RBFOX1: variants seen among roughly 807,000 people sequenced by gnomAD.
RBFOX1 encodes RNA binding fox-1 homolog 1, also known as RNA binding protein fox-1 homolog 1.
Under a neutral mutation model 57.7 loss-of-function variants are expected in RBFOX1, and 8 were observed. That is an observed-to-expected ratio of 0.14 (90% CI 0.08 to 0.25). The LOEUF (loss-of-function observed/expected upper bound fraction) is 0.25. RBFOX1 is among the 10% of genes least tolerant of loss of function. The pLI, the probability that RBFOX1 is intolerant of heterozygous loss-of-function variation, is 1.00. For synonymous variants in RBFOX1, 326 were observed against 222.4 expected, an observed-to-expected ratio of 1.47 and a Z score of -4.15; for missense variants, 611 against 548.5, an observed-to-expected ratio of 1.11 and a Z score of -1.14.
chr16:6,513,534 GA>G (rs1475789884), intron 2 of RBFOX1, among the ~76,000 whole-genome samples: 1 of 152,140 alleles, frequency 6.6e-6, no homozygotes, highest in Non-Finnish European at 1.5e-5. Flanking sequence ...AGGAGTTCGA[GA>G]CCAGCCTAGC....
At chr16:5,429,135 G>A (rs898446952) in intron 1 of RBFOX1, among the ~76,000 whole-genome samples, 3 of 152,108 alleles carry the variant, frequency 2.0e-5, no homozygotes, top group African/African-American at 7.2e-5. Flanking sequence ...GCCTGACTCA[G>A]CCCTGCAGTG....
intron 2 of RBFOX1, among the ~76,000 whole-genome samples, chr16:6,514,558 A>C (rs921984395): frequency 6.6e-6 from 1 of 152,128 alleles, no homozygotes; most frequent in African/African-American, 2.4e-5. Context: ...TAGCAGTTGA[A>C]AGTGTAGGCA....
intron 2 of RBFOX1, among the ~76,000 whole-genome samples, chr16:5,526,832 G>A (rs974682407): frequency 2.0e-5 from 3 of 151,634 alleles, no homozygotes; most frequent in African/African-American, 7.3e-5. Context: ...ATTGTTCATA[G>A]GAGTTTGAGT....
intron 3 of RBFOX1, among the ~76,000 whole-genome samples, chr16:6,724,591 A>T (rs1376811000): frequency 6.6e-6 from 1 of 152,128 alleles, no homozygotes; most frequent in African/African-American, 2.4e-5. Context: ...CGGCCTCCAG[A>T]ACTATAAGAA....
chr16:5,355,729 T>C (rs1451387775), intron 1 of RBFOX1, among the ~76,000 whole-genome samples: 1 of 152,100 alleles, frequency 6.6e-6, no homozygotes, highest in African/African-American at 2.4e-5. Context: ...ACAGATATAA[T>C]AAAGAGTCAC....
intron 1 of RBFOX1, among the ~76,000 whole-genome samples, chr16:5,254,279 C>G (rs2062528330): frequency 6.6e-6 from 1 of 152,182 alleles, no homozygotes; most frequent in Admixed American, 6.5e-5. Flanking sequence ...CATGGTTCTT[C>G]TCTCACAGTA....
intron 3 of RBFOX1, among the ~76,000 whole-genome samples, chr16:6,672,509 G>T (rs780842065): frequency 4.9e-4 from 74 of 150,992 alleles, no homozygotes; most frequent in Non-Finnish European, 9.9e-4. Flanking sequence ...AGAAAGGAAG[G>T]AAGATGGGAG....
At chr16:5,400,163 C>G (rs1186958802) in intron 1 of RBFOX1, among the ~76,000 whole-genome samples, 1 of 151,612 alleles carries the variant, frequency 6.6e-6, no homozygotes, top group Non-Finnish European at 1.5e-5. Flanking sequence ...GCAGTCTTGG[C>G]TCACTGCAAC....
chr16:7,198,008 T>TTTTTTTC (rs2087223102), intron 4 of RBFOX1, among the ~76,000 whole-genome samples: 2 of 128,520 alleles, frequency 1.6e-5, no homozygotes, highest in Non-Finnish European at 3.3e-5. Context: ...CTTTTTTTTT[T>TTTTTTTC]TTTTTTTTTT....
chr16:7,358,323 T>G (rs2097256642), intron 4 of RBFOX1, among the ~76,000 whole-genome samples: 1 of 152,176 alleles, frequency 6.6e-6, no homozygotes, highest in Non-Finnish European at 1.5e-5. Flanking sequence ...AGCAAATAAT[T>G]TGCAAATTGT....
intron 2 of RBFOX1, among the ~76,000 whole-genome samples, chr16:6,631,728 T>C (rs1275714305): frequency 6.6e-6 from 1 of 152,014 alleles, no homozygotes; most frequent in Non-Finnish European, 1.5e-5. Flanking sequence ...AAGAGCTCAC[T>C]GATGAGCTGG....
chr16:7,029,405 T>A (rs1165688611), intron 3 of RBFOX1, among the ~76,000 whole-genome samples: 2 of 151,396 alleles, frequency 1.3e-5, no homozygotes, highest in Non-Finnish European at 2.9e-5. Flanking sequence ...ACATGAGTCT[T>A]CAGTTCTTCT....
intron 2 of RBFOX1, among the ~76,000 whole-genome samples, chr16:5,522,342 A>G (rs1222010744): frequency 2.0e-5 from 3 of 152,234 alleles, no homozygotes; most frequent in Non-Finnish European, 4.4e-5. Flanking sequence ...AGCACGTTGC[A>G]TACATACATA....
chr16:7,299,728 C>G (rs1360300933), intron 4 of RBFOX1, among the ~76,000 whole-genome samples: 1 of 152,174 alleles, frequency 6.6e-6, no homozygotes, highest in Non-Finnish European at 1.5e-5. Flanking sequence ...TAGAGGCCAA[C>G]AGGCCAGCTT....
intron 2 of RBFOX1, among the ~76,000 whole-genome samples, chr16:5,595,751 A>C (rs897133611): frequency 4.3e-4 from 65 of 152,112 alleles, no homozygotes; most frequent in Non-Finnish European, 9.6e-4. Flanking sequence ...GAATGTTAAT[A>C]TGTGCTTGTC....
intron 4 of RBFOX1, among the ~76,000 whole-genome samples, chr16:7,359,153 G>T (rs2097272514): frequency 6.6e-6 from 1 of 152,148 alleles, no homozygotes; most frequent in African/African-American, 2.4e-5. Context: ...AGCCATCCGT[G>T]CAAATGCTGT....
At chr16:7,341,694 C>A (rs1289483576) in intron 4 of RBFOX1, among the ~76,000 whole-genome samples, 1 of 143,826 alleles carries the variant, frequency 7.0e-6, no homozygotes, top group African/African-American at 2.5e-5. Flanking sequence ...AATGGTCCTA[C>A]CTTCCTTCCT....
chr16:6,222,646 CAGTA>C (rs1567712200), intron 1 of RBFOX1, among the ~76,000 whole-genome samples: 1 of 150,268 alleles, frequency 6.7e-6, no homozygotes, highest in Non-Finnish European at 1.5e-5. Flanking sequence ...TTCAGTGATT[CAGTA>C]GGTCTTGGGT....
At chr16:6,964,730 G>A (rs1289221841) in intron 3 of RBFOX1, among the ~76,000 whole-genome samples, 3 of 152,196 alleles carry the variant, frequency 2.0e-5, no homozygotes, top group African/African-American at 7.2e-5. Flanking sequence ...AGGTCCGGAA[G>A]CACTTGTCCC....
Sources: gnomAD v4.1 joint callset for allele counts (sites outside exome capture counted in the v4.1 genomes callset) on GRCh38, gnomAD v4.1.1 for gene constraint, MANE v1.5 for transcripts, NCBI Gene and HGNC (gene_info 2026-07-23, HGNC 2026-07-21) for gene names.